Variants in UMAD1 observed in about 807,000 individuals in gnomAD.
UMAD1 encodes the protein UBAP1-MVB12-associated (UMA) domain containing 1, also known as UBAP1-MVB12-associated (UMA)-domain containing protein 1.
Under a neutral mutation model 6.1 loss-of-function variants are expected in UMAD1, and 8 were observed. The observed-to-expected ratio is 1.30, with a 90% confidence interval of 0.76 to 2.35. The LOEUF (loss-of-function observed/expected upper bound fraction) is 2.35. Among genes scored for constraint, UMAD1 ranks in the 30% most tolerant of loss-of-function variants. The probability of loss-of-function intolerance (pLI) is 0.00; values close to 1 mark genes in which losing one functional copy is unlikely to be tolerated. For synonymous variants in UMAD1, 56 were observed against 31.4 expected (o/e 1.78, Z -2.61); for missense variants, 130 against 78.4 (o/e 1.66, Z -2.49).
At chr7:7,795,595 T>A (rs1782660184) in intron 2 of UMAD1, among the ~76,000 whole-genome samples, 1 of 152,162 alleles carries the variant, frequency 6.6e-6, no homozygotes, top group South Asian at 2.1e-4. Context: ...GGTTGGCTAT[T>A]TTTATGGTTA....
chr7:7,852,929 T>A (rs558206697), intron 3 of UMAD1, among the ~76,000 whole-genome samples: 1 of 152,208 alleles, frequency 6.6e-6, no homozygotes, highest in Non-Finnish European at 1.5e-5. Flanking sequence ...GTGCAGCATT[T>A]CTTTCTTCAG....
At chr7:7,706,354 C>T (rs1347626129) in intron 2 of UMAD1, among the ~76,000 whole-genome samples, 2 of 152,048 alleles carry the variant, frequency 1.3e-5, no homozygotes, top group African/African-American at 2.4e-5. Context: ...TCTGGGTTTG[C>T]TGGTTAGAGC....
At chr7:7,677,706 C>G (rs1779781810) in intron 2 of UMAD1, among the ~76,000 whole-genome samples, 1 of 131,462 alleles carries the variant, frequency 7.6e-6, no homozygotes, top group South Asian at 2.4e-4. Context: ...CGGAGTCTCG[C>G]TCTGTCGCCC....
intron 2 of UMAD1, among the ~76,000 whole-genome samples, chr7:7,783,126 T>G (rs570110316): frequency 1.3e-5 from 2 of 152,316 alleles, no homozygotes; most frequent in South Asian, 4.1e-4. Context: ...TTTTGCTGAT[T>G]TTTAGGAAGA....
At chr7:7,642,469 ATTTT>A (rs10595305) in intron 1 of UMAD1, among the ~76,000 whole-genome samples, 1 of 150,032 alleles carries the variant, frequency 6.7e-6, no homozygotes, top group Admixed American at 6.6e-5. Context: ...TGTAATAGTG[ATTTT>A]TTTTTTTTTT....
At chr7:7,677,409 C>T (rs1404920749) in intron 2 of UMAD1, among the ~76,000 whole-genome samples, 2 of 151,982 alleles carry the variant, frequency 1.3e-5, no homozygotes, top group African/African-American at 4.8e-5. Flanking sequence ...CTTTCTGCTA[C>T]CCTTCCTTGC....
At chr7:7,670,450 A>G (rs764564416) in intron 1 of UMAD1, among the ~76,000 whole-genome samples, 1 of 152,178 alleles carries the variant, frequency 6.6e-6, no homozygotes, top group African/African-American at 2.4e-5. Flanking sequence ...GGGAAGAGAA[A>G]ACTGTCCTAT....
intron 3 of UMAD1, among the ~76,000 whole-genome samples, chr7:7,815,761 C>A (rs908889422): frequency 1.3e-5 from 2 of 152,094 alleles, no homozygotes; most frequent in Non-Finnish European, 2.9e-5. Flanking sequence ...GGTAAGGAGC[C>A]TACTTTAGCT....
chr7:7,764,438 G>A (rs1260520549), intron 2 of UMAD1, among the ~76,000 whole-genome samples: 1 of 152,232 alleles, frequency 6.6e-6, no homozygotes, highest in African/African-American at 2.4e-5. Context: ...AAGTTATACA[G>A]TGGATATAAG....
chr7:7,641,886 T>C (rs1256903552), intron 1 of UMAD1, among the ~76,000 whole-genome samples: 1 of 152,204 alleles, frequency 6.6e-6, no homozygotes, highest in Non-Finnish European at 1.5e-5. Flanking sequence ...AATTAAATGA[T>C]AGTCTCCCTT....
rs1159003081 is a variant in UMAD1 at position 7,830,602 on chromosome 7, C to G, written c.156+28859C>G. The stretch of plus-strand genomic sequence containing the variant: ...AACTTCAAAGTGTGGAAACCACAGT[C>G]ATACTGATTCTTACCTTCAGCATGT... On this transcript the variant is annotated intron_variant, in intron 3 of 3. Transcript: ENST00000682710. The surrounding 1 kb of genome is among the most constrained non-coding windows in gnomAD (Gnocchi z 5.3). Among the ~76,000 whole-genome samples, 5 of 152,134 alleles carry G rather than the reference C, an allele frequency of 3.3e-5. No homozygotes were observed. The highest frequency in any genetic ancestry group is 5.9e-5 in the Non-Finnish European group (4 of 68,016).
chr7:7,658,850 C>G (rs887653294), intron 1 of UMAD1, among the ~76,000 whole-genome samples: 1 of 151,910 alleles, frequency 6.6e-6, no homozygotes, highest in East Asian at 1.9e-4. Context: ...CCCTTTTTTT[C>G]TATTGTTTGG....
chr7:7,643,620 G>A (rs1187786410), intron 1 of UMAD1, among the ~76,000 whole-genome samples: 1 of 151,980 alleles, frequency 6.6e-6, no homozygotes, highest in African/African-American at 2.4e-5. Flanking sequence ...GCTGAGGCAG[G>A]AGAATGGCGT....
chr7:7,814,070 G>A (rs1202801588), intron 3 of UMAD1, among the ~76,000 whole-genome samples: 4 of 151,606 alleles, frequency 2.6e-5, no homozygotes, highest in African/African-American at 9.7e-5. Context: ...TGCAACTTCC[G>A]CCTCCCAGGT....
intron 2 of UMAD1, among the ~76,000 whole-genome samples, chr7:7,755,172 T>C (rs996760034): frequency 6.6e-6 from 1 of 152,216 alleles, no homozygotes; most frequent in Admixed American, 6.5e-5. Flanking sequence ...ACAAATATTT[T>C]ATTCTTTAAA....
intron 1 of UMAD1, among the ~76,000 whole-genome samples, chr7:7,648,454 T>G (rs1164490683): frequency 6.6e-6 from 1 of 152,218 alleles, no homozygotes; most frequent in Non-Finnish European, 1.5e-5. Flanking sequence ...ATTTTTTCTC[T>G]CTTTTGTCCA....
At chr7:7,729,424 C>G (rs1343762724) in intron 2 of UMAD1, among the ~76,000 whole-genome samples, 1 of 152,146 alleles carries the variant, frequency 6.6e-6, no homozygotes, top group Non-Finnish European at 1.5e-5. Flanking sequence ...GGACTTTGTT[C>G]TCTCAGACAG....
chr7:7,823,115 G>A (rs1029077337), intron 3 of UMAD1, among the ~76,000 whole-genome samples: 1 of 151,996 alleles, frequency 6.6e-6, no homozygotes, highest in Admixed American at 6.6e-5. Context: ...AATGTTGTTG[G>A]GAAAGTTTTT....
At chr7:7,845,974 T>G (rs1311465352) in intron 3 of UMAD1, among the ~76,000 whole-genome samples, 1 of 152,166 alleles carries the variant, frequency 6.6e-6, no homozygotes, top group Non-Finnish European at 1.5e-5. Context: ...CTTGCTAAGC[T>G]TTAACACTCT....
Sources: gnomAD v4.1 joint callset for allele counts (sites outside exome capture counted in the v4.1 genomes callset) on GRCh38, gnomAD v4.1.1 for gene constraint, Gnocchi (gnomAD v3.1) non-coding constraint, MANE v1.5 for transcripts, NCBI Gene and HGNC (gene_info 2026-07-23, HGNC 2026-07-21) for gene names.